Variants in SNTG2 observed in about 807,000 individuals in gnomAD.
SNTG2 encodes syntrophin gamma 2, also known as gamma-2-syntrophin.
SNTG2 carries 74 observed loss-of-function variants against 70.9 expected under a neutral mutation model. The observed-to-expected ratio is 1.04, with a 90% CI of 0.86 to 1.27. The LOEUF (loss-of-function observed/expected upper bound fraction) is 1.27. Among genes scored for constraint, SNTG2 ranks in the 50% most tolerant of loss-of-function variants. The probability of loss-of-function intolerance (pLI) is 0.00; values close to 1 mark genes in which losing one functional copy is unlikely to be tolerated. For missense variants in SNTG2, 717 were observed against 690.7 expected (o/e 1.04, Z -0.43); for synonymous variants, 278 against 273.8 (o/e 1.02, Z -0.15).
At chr2:1,197,116 C>T (rs183280164) in intron 8 of SNTG2, among the ~76,000 whole-genome samples, 75 of 152,162 alleles carry the variant, frequency 4.9e-4, no homozygotes, top group Admixed American at 1.8e-3. Flanking sequence ...CCTCACCTAT[C>T]AATAACTACC....
chr2:1,050,761 G>C (rs1190073122), intron 1 of SNTG2, among the ~76,000 whole-genome samples: 2 of 152,054 alleles, frequency 1.3e-5, no homozygotes, highest in African/African-American at 4.8e-5. Context: ...GATTACTTAG[G>C]GGAGAAGTGA....
chr2:1,031,528 A>ATATATATATATATATATCTTTTTT, intron 1 of SNTG2, among the ~76,000 whole-genome samples: 1 of 59,142 alleles, frequency 1.7e-5, no homozygotes, highest in Non-Finnish European at 3.1e-5. Flanking sequence ...ATATATATAT[A>ATATATATATATATATATCTTTTTT]TTTTTTTTTT....
chr2:1,206,962 G>A (rs1238171138), intron 8 of SNTG2, among the ~76,000 whole-genome samples: 1 of 152,142 alleles, frequency 6.6e-6, no homozygotes, highest in Non-Finnish European at 1.5e-5. Flanking sequence ...GCAACAAGGG[G>A]TACAGAGTAT....
chr2:1,250,796 T>G (rs911182691), intron 12 of SNTG2, among the ~76,000 whole-genome samples: 9 of 152,222 alleles, frequency 5.9e-5, no homozygotes, highest in Admixed American at 5.9e-4. Flanking sequence ...CTTCCTTTAC[T>G]TGCTTTCCAG....
chr2:1,117,569 G>A (rs1667117253), intron 4 of SNTG2, among the ~76,000 whole-genome samples: 1 of 152,174 alleles, frequency 6.6e-6, no homozygotes, highest in South Asian at 2.1e-4. Flanking sequence ...GCTTTCTGGG[G>A]CTGAGCAGAT....
chr2:1,159,109 TGTGTTC>T lies in SNTG2; in HGVS notation c.412-6434_412-6429del, dbSNP rs796071132. 6.0e-3 allele frequency among the ~76,000 whole-genome samples: 272 copies of T among 45,328 alleles called. 1 individual carries two copies. Among genetic ancestry groups the T allele is most frequent in the African/African-American group, 0.016 (219 of 14,114 alleles). 29.7% of individuals were successfully genotyped at this position (45,328 alleles called of 152,430 possible). On this transcript the variant is annotated intron_variant, in intron 6 of 16. Transcript: ENST00000308624. Reference sequence around the variant, plus strand: ...GTGTGTATGTGCATGCGTGTACCTGTGTGTTCGTGTGTGTGTATGCATGGGTGTGCA... The same window carrying T: ...GTGTGTATGTGCATGCGTGTACCTGTGTGTGTGTGTATGCATGGGTGTGCA...
In SNTG2 at chr2:1,330,307, G is replaced by T. The variant is rs74860804; in HGVS notation, c.1488+13932G>T. Among the ~76,000 whole-genome samples the T allele has an allele frequency of 4.1e-3, 619 of 152,298 alleles. 1 individual carries two copies. Among genetic ancestry groups the T allele is most frequent in the African/African-American group, 0.014 (582 of 41,564 alleles). On this transcript the variant is annotated intron_variant, in intron 16 of 16. Transcript: ENST00000308624. ...TATACATATTTCTCTCCTAAGCTAA[G>T]TGCATCCTCTGAGGAGAGGGATTCT...
intron 8 of SNTG2, among the ~76,000 whole-genome samples, chr2:1,174,875 T>A (rs1671367202): frequency 6.6e-6 from 1 of 152,216 alleles, no homozygotes. Flanking sequence ...GTTAAGGTGA[T>A]CTTTTTTCTT....
intron 11 of SNTG2, among the ~76,000 whole-genome samples, chr2:1,245,332 T>A (rs1320962408): frequency 2.0e-5 from 3 of 151,694 alleles, no homozygotes; most frequent in Non-Finnish European, 2.9e-5. Flanking sequence ...GGCACTCAAA[T>A]GTGCGTAAGA....
intron 1 of SNTG2, among the ~76,000 whole-genome samples, chr2:966,842 G>A (rs543824189): frequency 1.4e-4 from 21 of 152,214 alleles, no homozygotes; most frequent in African/African-American, 4.8e-4. Flanking sequence ...AGCTACTCAG[G>A]AGGCTGAGGC....
intron 9 of SNTG2, among the ~76,000 whole-genome samples, chr2:1,233,898 CTCGGTGGACCCCGGGG>C (rs1254397681): frequency 1.3e-5 from 2 of 152,104 alleles, no homozygotes; most frequent in African/African-American, 4.8e-5. Flanking sequence ...TTGGTTTCTT[CTCGGTGGACCCCGGGG>C]TGCCAAGCGC....
intron 1 of SNTG2, among the ~76,000 whole-genome samples, chr2:1,032,827 A>G (rs936584347): frequency 6.6e-6 from 1 of 152,158 alleles, no homozygotes; most frequent in Non-Finnish European, 1.5e-5. Flanking sequence ...GTGTTAGATC[A>G]TTCTTGTGTC....
chr2:1,324,376 C>A (rs1419248463), intron 16 of SNTG2, among the ~76,000 whole-genome samples: 1 of 151,884 alleles, frequency 6.6e-6, no homozygotes, highest in Non-Finnish European at 1.5e-5. Flanking sequence ...ATAAGACATG[C>A]ATAACATTGA....
intron 8 of SNTG2, among the ~76,000 whole-genome samples, chr2:1,183,541 G>A (rs1672062060): frequency 6.6e-6 from 1 of 152,162 alleles, no homozygotes; most frequent in Admixed American, 6.5e-5. Flanking sequence ...AGTAAGGCTG[G>A]ACAGATAGAG....
chr2:1,339,266 C>A (rs1659967265), intron 16 of SNTG2, among the ~76,000 whole-genome samples: 2 of 152,084 alleles, frequency 1.3e-5, no homozygotes, highest in Non-Finnish European at 2.9e-5. Flanking sequence ...GACATTAAAT[C>A]CTTCTAAGAT....
chr2:1,275,053 G>A (rs746023254), intron 14 of SNTG2, among the ~76,000 whole-genome samples: 4 of 152,154 alleles, frequency 2.6e-5, no homozygotes, highest in Admixed American at 6.5e-5. Flanking sequence ...CTGGCTTTAC[G>A]ACAGCCTATC....
intron 16 of SNTG2, among the ~76,000 whole-genome samples, chr2:1,357,077 G>A (rs1344254490): frequency 6.6e-6 from 1 of 151,922 alleles, no homozygotes; most frequent in Non-Finnish European, 1.5e-5. Flanking sequence ...GGAATCTTTA[G>A]GGTTATCTAC....
intron 9 of SNTG2, among the ~76,000 whole-genome samples, chr2:1,235,554 C>A (rs1407533131): frequency 1.2e-5 from 1 of 85,478 alleles, no homozygotes. Context: ...GCAGGCCCCA[C>A]CAGGCACCCC....
At chr2:1,324,481 G>A (rs1052996250) in intron 16 of SNTG2, among the ~76,000 whole-genome samples, 11 of 152,152 alleles carry the variant, frequency 7.2e-5, no homozygotes, top group Admixed American at 5.9e-4. Flanking sequence ...ATTCTATTAG[G>A]AAGTCAACTA....
Sources: allele counts gnomAD v4.1 joint callset (sites outside exome capture counted in the v4.1 genomes callset), GRCh38; gene constraint gnomAD v4.1.1; transcripts MANE v1.5; gene names NCBI Gene and HGNC (gene_info 2026-07-23, HGNC 2026-07-21).